Variants in CELF2 observed in about 807,000 individuals in gnomAD.
The protein encoded by CELF2 is CUG triplet repeat RNA-binding protein 2.
In CELF2, 8 loss-of-function variants were observed where a neutral mutation model predicts 62.6. That is an observed-to-expected ratio of 0.13 (90% confidence interval 0.07 to 0.23). The LOEUF (loss-of-function observed/expected upper bound fraction) is 0.23. Ranked by LOEUF, CELF2 falls within the 10% of genes least tolerant of loss-of-function variation. The probability of loss-of-function intolerance (pLI) is 1.00; values close to 1 mark genes in which losing one functional copy is unlikely to be tolerated. For missense variants in CELF2, 333 were observed against 671.0 expected (o/e 0.50, Z 5.56); for synonymous variants, 258 against 250.0 (o/e 1.03, Z -0.30).
intron 1 of CELF2, among the ~76,000 whole-genome samples, chr10:11,125,391 C>T (rs1392948159): frequency 6.6e-6 from 1 of 151,300 alleles, no homozygotes; most frequent in Admixed American, 6.6e-5. Flanking sequence ...GGTGAAAGCC[C>T]TTGGGTATGC....
Position 11,161,148 on chromosome 10 carries a change from TA to T in CELF2, c.75-4333del, listed in dbSNP as rs377188684. 3.0e-4 allele frequency among the ~76,000 whole-genome samples: 46 copies of T among 152,364 alleles called. 2 individuals are homozygous for T. The East Asian group carries it at 6.4e-3, about 21-fold the overall frequency. ...AGTAGGTCAGTGCCTGGGTTAAAAC[TA>T]AAAAGTAAGCACTCATCGTTTTTCC... On this transcript the variant is annotated intron_variant, in intron 1 of 12. Coordinates refer to ENST00000633077, the MANE Select transcript of CELF2 (RefSeq NM_001326342.2).
At chr10:10,470,929 A>G in the CELF2 span, among the ~76,000 whole-genome samples, 1 of 151,616 alleles carries the variant, frequency 6.6e-6, no homozygotes, top group Non-Finnish European at 1.5e-5. Flanking sequence ...CTTTAAAGTT[A>G]TAAATTTCCA....
At chr10:10,691,254 C>G in the CELF2 span, among the ~76,000 whole-genome samples, 3 of 151,222 alleles carry the variant, frequency 2.0e-5, no homozygotes, top group South Asian at 2.1e-4. Context: ...AGAATATGCG[C>G]TGTTTGGTTT....
chr10:11,230,222 AC>A (rs1275853817), intron 3 of CELF2, among the ~76,000 whole-genome samples: 1 of 152,244 alleles, frequency 6.6e-6, no homozygotes, highest in Non-Finnish European at 1.5e-5. Flanking sequence ...GGTGACAGAT[AC>A]GTTAACTAGC....
At chr10:11,003,860 T>A (rs556582305), upstream of CELF2, among the ~76,000 whole-genome samples, 1 of 151,976 alleles carries the variant, frequency 6.6e-6, no homozygotes, top group Non-Finnish European at 1.5e-5. The surrounding 1 kb of genome is among the most constrained non-coding windows in gnomAD (Gnocchi z 4.4). Flanking sequence ...AAAAATGGGG[T>A]TGTTTTAGGG....
rs2076089957 is a variant in CELF2 at position 11,247,890 on chromosome 10, G to A, written c.355-1263G>A. Reference sequence around the variant, plus strand: ...GACTTGTCCTGCTTTTGAAGAGGCAGCTCACTTAGCCTCTTTCTTCTCCCT... The same window carrying A: ...GACTTGTCCTGCTTTTGAAGAGGCAACTCACTTAGCCTCTTTCTTCTCCCT... On this transcript the variant is annotated intron_variant, in intron 3 of 12. Coordinates refer to ENST00000633077, the MANE Select transcript of CELF2 (RefSeq NM_001326342.2). The surrounding 1 kb of genome is among the most constrained non-coding windows in gnomAD (Gnocchi z 5.4). 6.6e-6 allele frequency among the ~76,000 whole-genome samples: 1 copy of A among 152,170 alleles called. No homozygotes were observed. The highest frequency in any genetic ancestry group is 2.4e-5 in the African/African-American group (1 of 41,426).
upstream of CELF2, chr10:10,796,957 G>A (rs1272871565): frequency 1.1e-6 from 1 of 878,648 alleles, no homozygotes; most frequent in Non-Finnish European, 1.4e-6. Flanking sequence ...TCTGAAGAAA[G>A]TCATTCACAG....
chr10:10,543,801 C>A, the CELF2 span, among the ~76,000 whole-genome samples: 2 of 151,966 alleles, frequency 1.3e-5, no homozygotes, highest in East Asian at 3.9e-4. Context: ...ACTATAATGC[C>A]CCCTCTCCCG....
rs546816421 is a variant in CELF2 at position 11,141,578 on chromosome 10, G to A, written c.75-23908G>A. Among the ~76,000 whole-genome samples, 120 of 152,334 alleles carry A rather than the reference G, an allele frequency of 7.9e-4. 1 individual carries two copies. Among genetic ancestry groups the A allele is most frequent in the Middle Eastern group, 3.4e-3 (1 of 294 alleles). On this transcript the variant is annotated intron_variant, in intron 1 of 12. Coordinates refer to ENST00000633077, the MANE Select transcript of CELF2 (RefSeq NM_001326342.2). ...GGAGCCAAGTGGAAAACACATTTGT[G>A]TGGTCTAGACTAGACAACCTGGGGT...
the CELF2 span, among the ~76,000 whole-genome samples, chr10:10,629,934 C>T: frequency 2.7e-4 from 36 of 131,824 alleles, no homozygotes; most frequent in African/African-American, 9.5e-4. Context: ...TATTAGATGT[C>T]TTGCTCCTAA....
At chr10:11,317,084 A>T (rs1439568842) in intron 10 of CELF2, 8 of 152,086 alleles carry the variant, frequency 5.3e-5, no homozygotes, top group Non-Finnish European at 1.5e-5. Context: ...GTTTCAGTGT[A>T]TGTCAAGTGG....
intron 1 of CELF2, among the ~76,000 whole-genome samples, chr10:10,904,028 A>G (rs1385958745): frequency 6.6e-6 from 1 of 152,190 alleles, no homozygotes; most frequent in Non-Finnish European, 1.5e-5. Context: ...TCTTCTCTCT[A>G]CAGAGTCCAC....
intron 9 of CELF2, among the ~76,000 whole-genome samples, chr10:11,303,826 A>G (rs935157944): frequency 1.3e-5 from 2 of 152,354 alleles, no homozygotes; most frequent in Admixed American, 1.3e-4. Context: ...CTTTGCAGCC[A>G]GACCCCTGGG....
At chr10:10,687,150 G>C in the CELF2 span, among the ~76,000 whole-genome samples, 2 of 152,146 alleles carry the variant, frequency 1.3e-5, no homozygotes, top group Non-Finnish European at 2.9e-5. Context: ...TTGTGGAAGT[G>C]CTGCACAGAT....
At chr10:11,076,642 C>G (rs1001407324) in intron 1 of CELF2, among the ~76,000 whole-genome samples, 1 of 152,176 alleles carries the variant, frequency 6.6e-6, no homozygotes, top group Non-Finnish European at 1.5e-5. Flanking sequence ...AATGCTGGCT[C>G]TAGGTGAAAT....
At chr10:10,907,979 G>T (rs192117256) in intron 1 of CELF2, among the ~76,000 whole-genome samples, 6 of 152,074 alleles carry the variant, frequency 3.9e-5, no homozygotes, top group Admixed American at 3.9e-4. Context: ...ATTTCAAATG[G>T]GTAAAATGCC....
chr10:10,669,208 C>T, the CELF2 span, among the ~76,000 whole-genome samples: 4 of 152,206 alleles, frequency 2.6e-5, no homozygotes, highest in South Asian at 8.3e-4. Flanking sequence ...TCTGAACTTC[C>T]ATTTCTATGC....
the CELF2 span, among the ~76,000 whole-genome samples, chr10:10,527,988 C>T: frequency 1.3e-3 from 201 of 152,254 alleles, no homozygotes; most frequent in African/African-American, 4.5e-3. Flanking sequence ...GTCCTCAGAG[C>T]GTTTAAATGA....
At chr10:10,632,201 C>A in the CELF2 span, among the ~76,000 whole-genome samples, 1 of 152,160 alleles carries the variant, frequency 6.6e-6, no homozygotes, top group Non-Finnish European at 1.5e-5. Context: ...AGATTTAAAT[C>A]TGATCTAAAA....
Sources: allele counts gnomAD v4.1 joint callset (sites outside exome capture counted in the v4.1 genomes callset), GRCh38; gene constraint gnomAD v4.1.1; non-coding constraint Gnocchi (gnomAD v3.1); transcripts MANE v1.5; gene names NCBI Gene and HGNC (gene_info 2026-07-23, HGNC 2026-07-21).